Variants in NAV2 observed in about 807,000 individuals in gnomAD.
NAV2 encodes the protein helicase, APC down-regulated 1.
In NAV2, 54 loss-of-function variants were observed where a neutral mutation model predicts 223.2. The ratio of observed to expected loss-of-function variants is 0.24; its 90% CI spans 0.19 to 0.30. NAV2 has a LOEUF of 0.30. Among genes scored for constraint, NAV2 ranks in the 10% least tolerant of loss-of-function variants. NAV2 has a pLI of 1.00. For missense variants in NAV2, 2,806 were observed against 3,147.5 expected, an observed-to-expected ratio of 0.89 and a Z score of 2.60; for synonymous variants, 1,279 against 1,239.3, an observed-to-expected ratio of 1.03 and a Z score of -0.67.
intron 4 of NAV2, among the ~76,000 whole-genome samples, chr11:19,870,585 C>A (rs975298562): frequency 6.6e-6 from 1 of 152,192 alleles, no homozygotes; most frequent in African/African-American, 2.4e-5. Context: ...TTGTTCTCCC[C>A]ATCTGTCCCA....
At chr11:19,582,205 T>C (rs2045741229) in intron 1 of NAV2, among the ~76,000 whole-genome samples, 1 of 152,206 alleles carries the variant, frequency 6.6e-6, no homozygotes, top group Non-Finnish European at 1.5e-5. Context: ...CACTTGTTGA[T>C]GGGGTTGTTT....
intron 1 of NAV2, among the ~76,000 whole-genome samples, chr11:19,771,223 G>A (rs2055692920): frequency 6.6e-6 from 1 of 152,120 alleles, no homozygotes. Flanking sequence ...TAATATTAAT[G>A]TCATTGCTTA....
At chr11:19,911,685 G>A (rs2043328086) in intron 6 of NAV2, among the ~76,000 whole-genome samples, 1 of 152,050 alleles carries the variant, frequency 6.6e-6, no homozygotes, top group Non-Finnish European at 1.5e-5. Flanking sequence ...CTCAGACAGT[G>A]GATGACCTAG....
chr11:19,606,644 T>C (rs1590663343), intron 1 of NAV2, among the ~76,000 whole-genome samples: 1 of 152,126 alleles, frequency 6.6e-6, no homozygotes, highest in East Asian at 1.9e-4. Context: ...CCCTGTTAAT[T>C]CTTCAAAGTG....
chr11:19,602,510 G>A (rs1248842627), intron 1 of NAV2, among the ~76,000 whole-genome samples: 2 of 152,080 alleles, frequency 1.3e-5, no homozygotes, highest in African/African-American at 4.8e-5. Context: ...GAGTATATTA[G>A]TTTCCTGGGG....
At chr11:20,087,141 A>G (rs2060497806) in intron 26 of NAV2, among the ~76,000 whole-genome samples, 4 of 152,166 alleles carry the variant, frequency 2.6e-5, no homozygotes, top group Admixed American at 2.0e-4. Flanking sequence ...GGGAGCAGAG[A>G]GGAGAAACTG....
chr11:19,500,331 C>T (rs188289261), intron 1 of NAV2, among the ~76,000 whole-genome samples: 28 of 152,262 alleles, frequency 1.8e-4, no homozygotes, highest in Admixed American at 1.7e-3. Flanking sequence ...CAGCCACACT[C>T]ACCCAAGATC....
At chr11:19,852,574 A>C (rs2061203412) in intron 3 of NAV2, among the ~76,000 whole-genome samples, 1 of 152,250 alleles carries the variant, frequency 6.6e-6, no homozygotes, top group South Asian at 2.1e-4. Context: ...TTGCCAATGT[A>C]AACTCACAAA....
intron 1 of NAV2, among the ~76,000 whole-genome samples, chr11:19,540,928 G>GAGGGA (rs898200441): frequency 1.3e-4 from 20 of 152,282 alleles, no homozygotes; most frequent in Non-Finnish European, 2.6e-4. Context: ...AAGGGAAAAG[G>GAGGGA]AGGGAAGGGA....
At chr11:19,682,416 A>G (rs1391158714) in intron 1 of NAV2, among the ~76,000 whole-genome samples, 1 of 152,208 alleles carries the variant, frequency 6.6e-6, no homozygotes, top group Non-Finnish European at 1.5e-5. Flanking sequence ...TGTGGAAATG[A>G]GCACTGCGGT....
rs1254022506 is a variant in NAV2 at position 20,097,523 on chromosome 11, T to A, written c.6013-54T>A. 3 of 1,395,608 alleles carry A rather than the reference T, an allele frequency of 2.1e-6. No individual in the cohort carries two copies. The East Asian group carries it at 7.1e-5, about 33-fold the overall frequency. The allele number at this position is 1,395,608 out of a possible 1,614,324, so 86.5% of individuals were successfully genotyped here. On this transcript the variant is annotated intron_variant, in intron 30 of 37. Coordinates refer to ENST00000349880, the MANE Select transcript of NAV2 (RefSeq NM_145117.5). ...AATCACCCAGGGAAAACATGAGTCA[T>A]GGGCAGATTTTAGCCACATCTTTGA...
chr11:19,643,844 A>G (rs531384888), intron 1 of NAV2, among the ~76,000 whole-genome samples: 3 of 152,262 alleles, frequency 2.0e-5, no homozygotes, highest in East Asian at 1.9e-4. Context: ...CTGACTTTTT[A>G]ATGATCACCA....
chr11:20,007,187 A>G (rs140690759), intron 11 of NAV2, among the ~76,000 whole-genome samples: 1 of 151,422 alleles, frequency 6.6e-6, no homozygotes, highest in Non-Finnish European at 1.5e-5. Flanking sequence ...GAACTTCTGG[A>G]CTCCACGGCT....
At chr11:19,946,564 G>C (rs2046955161) in intron 9 of NAV2, 55 bp downstream of exon 9, 4 of 1,476,448 alleles carry the variant, frequency 2.7e-6, no homozygotes, top group Non-Finnish European at 3.7e-6. Context: ...ATTTTCTCCT[G>C]TGTTTGTTCA....
chr11:19,675,217 C>T (rs188327225), intron 1 of NAV2, among the ~76,000 whole-genome samples: 69 of 152,318 alleles, frequency 4.5e-4, no homozygotes, highest in African/African-American at 1.5e-3. Flanking sequence ...CCTGACTCTA[C>T]GCCATGGATG....
chr11:20,075,756 G>T (rs547698232), intron 22 of NAV2, among the ~76,000 whole-genome samples: 15 of 151,940 alleles, frequency 9.9e-5, no homozygotes, highest in Non-Finnish European at 1.5e-4. Flanking sequence ...TCCTCACAGT[G>T]CACGGCAAAA....
Position 20,044,290 on chromosome 11 carries a change from T to A in NAV2, c.3199+18T>A, listed in dbSNP as rs1278266566. 5 of 1,593,362 alleles carry A rather than the reference T, an allele frequency of 3.1e-6. No individual in the cohort carries two copies. The highest frequency in any genetic ancestry group is 3.4e-6 in the Non-Finnish European group (4 of 1,166,020). Reference sequence around the variant, plus strand: ...AGGAACTGGTAAGAGGCCGGGGCTGTCTTGGCCCTACAGTTGACATTTTGA... The same window carrying A: ...AGGAACTGGTAAGAGGCCGGGGCTGACTTGGCCCTACAGTTGACATTTTGA... On this transcript the variant is annotated intron_variant, in intron 13 of 37. Coordinates refer to ENST00000349880, the MANE Select transcript of NAV2 (RefSeq NM_145117.5).
chr11:19,846,146 A>C (rs1462141919), intron 3 of NAV2, among the ~76,000 whole-genome samples: 2 of 152,208 alleles, frequency 1.3e-5, no homozygotes. Context: ...TGATGGGTGG[A>C]AGAGGATTCC....
intron 1 of NAV2, among the ~76,000 whole-genome samples, chr11:19,419,019 G>T (rs1254996128): frequency 6.6e-6 from 1 of 152,052 alleles, no homozygotes; most frequent in Non-Finnish European, 1.5e-5. Context: ...CAGTAATAGG[G>T]ACTCAAGGAG....
Sources: gnomAD v4.1 joint callset for allele counts (sites outside exome capture counted in the v4.1 genomes callset) on GRCh38, gnomAD v4.1.1 for gene constraint, MANE v1.5 for transcripts, NCBI Gene and HGNC (gene_info 2026-07-23, HGNC 2026-07-21) for gene names.